Variants in ZNF334 observed in about 807,000 individuals in gnomAD.
The protein encoded by ZNF334 is zinc finger protein 334.
Under a neutral mutation model 12.4 loss-of-function variants are expected in ZNF334, and 14 were observed. The observed-to-expected ratio is 1.13, with a 90% CI of 0.74 to 1.76. The LOEUF (loss-of-function observed/expected upper bound fraction) is 1.76. Ranked by LOEUF, ZNF334 falls within the 40% of genes most tolerant of loss-of-function variation. The pLI, the probability that ZNF334 is intolerant of heterozygous loss-of-function variation, is 0.00. For missense variants in ZNF334, 797 were observed against 804.5 expected (o/e 0.99, Z 0.11); for synonymous variants, 273 against 269.6 (o/e 1.01, Z -0.12).
At chr20:46,509,062 A>G (rs752380427) in intron 2 of ZNF334, among the ~76,000 whole-genome samples, 14 of 152,238 alleles carry the variant, frequency 9.2e-5, no homozygotes, top group Non-Finnish European at 2.1e-4. Context: ...ACTTGTAATT[A>G]TCACGTTCAT....
chr20:46,471,690 A>G, the ZNF334 span, among the ~76,000 whole-genome samples: 1 of 152,210 alleles, frequency 6.6e-6, no homozygotes, highest in South Asian at 2.1e-4. Flanking sequence ...AACACCATCT[A>G]TTGAAAAGAT....
chr20:46,507,149 A>C (rs1484890354), intron 2 of ZNF334, among the ~76,000 whole-genome samples: 1 of 152,022 alleles, frequency 6.6e-6, no homozygotes, highest in African/African-American at 2.4e-5. Context: ...TAAGTAAGTA[A>C]AAAGGAAAGA....
At chr20:46,462,641 T>C in the ZNF334 span, among the ~76,000 whole-genome samples, 66 of 152,374 alleles carry the variant, frequency 4.3e-4, no homozygotes, top group East Asian at 0.011. Context: ...ATATGTAGGA[T>C]AACCAGATAG....
the ZNF334 span, among the ~76,000 whole-genome samples, chr20:46,479,788 A>G: frequency 6.6e-6 from 1 of 152,132 alleles, no homozygotes; most frequent in Non-Finnish European, 1.5e-5. Flanking sequence ...ATCTATTCCC[A>G]CTGAAGCCTG....
the ZNF334 span, among the ~76,000 whole-genome samples, chr20:46,479,216 T>C: frequency 6.6e-5 from 10 of 152,164 alleles, no homozygotes; most frequent in African/African-American, 2.4e-4. Context: ...TTCTGGAGGC[T>C]CCTACCTGTC....
At chr20:46,506,273 A>C (rs2145975432) in intron 2 of ZNF334, 4 of 534,132 alleles carry the variant, frequency 7.5e-6, no homozygotes, top group Non-Finnish European at 3.3e-6. Flanking sequence ...AAGTGAAAAA[A>C]GCAAAGTATT....
chr20:46,470,123 C>T, the ZNF334 span, among the ~76,000 whole-genome samples: 1 of 152,198 alleles, frequency 6.6e-6, no homozygotes, highest in Non-Finnish European at 1.5e-5. Context: ...ATTTTAACTT[C>T]TCTCATTTTA....
Position 46,502,519 on chromosome 20 carries a change from A to G in ZNF334, c.820T>C (p.Phe274Leu). The change falls in exon 5 of 5, where the codon TTT becomes CTT. Residue 274 changes from phenylalanine to leucine, a missense_variant. Phe to Leu is a conservative substitution (Grantham distance 22, BLOSUM62 0). Transcript: ENST00000692313. The part of the protein sequence containing the change: ...PYVCSDCRKT[F>L]RVKTSLTRHR... Reference sequence around the variant, plus strand: ...CGAGTGAGGCTTGTCTTCACACGAAAAGTTTTCCTACAATCACTACAAACA... The same window carrying G: ...CGAGTGAGGCTTGTCTTCACACGAAGAGTTTTCCTACAATCACTACAAACA... 6.2e-7 allele frequency: 1 copy of G among 1,613,348 alleles called. No homozygotes were observed. Among genetic ancestry groups the G allele is most frequent in the Non-Finnish European group, 8.5e-7 (1 of 1,179,568 alleles).
chr20:46,469,669 G>A, the ZNF334 span, among the ~76,000 whole-genome samples: 4 of 152,058 alleles, frequency 2.6e-5, no homozygotes, highest in Non-Finnish European at 5.9e-5. Flanking sequence ...ACTGCGCCTG[G>A]CCCCTAAGCT....
the ZNF334 span, among the ~76,000 whole-genome samples, chr20:46,469,825 C>T: frequency 1.3e-5 from 2 of 152,068 alleles, no homozygotes; most frequent in South Asian, 2.1e-4. Context: ...CTCATTGGCT[C>T]GCCTTCAGGG....
At chr20:46,462,409 T>C in the ZNF334 span, among the ~76,000 whole-genome samples, 1 of 152,230 alleles carries the variant, frequency 6.6e-6, no homozygotes, top group African/African-American at 2.4e-5. Flanking sequence ...GTAGGCCAAT[T>C]ACTCCACTAC....
In ZNF334 at chr20:46,502,615, A is replaced by G. The variant is rs1328420400; in HGVS notation, c.724T>C (p.Cys242Arg). 2 of 1,612,960 alleles carry G rather than the reference A, an allele frequency of 1.2e-6. No individual in the cohort carries two copies. The highest frequency in any genetic ancestry group is 1.1e-5 in the South Asian group (1 of 91,078). Reference protein sequence around the residue: ...TERKPNECNECRKTFSKRSTL... With the variant: ...TERKPNECNERRKTFSKRSTL... Reference sequence around the variant, plus strand: ...GATCTCTTAGAAAAGGTTTTCCTACATTCATTACATTCATTTGGTTTCCTT... The same window carrying G: ...GATCTCTTAGAAAAGGTTTTCCTACGTTCATTACATTCATTTGGTTTCCTT... The change falls in exon 5 of 5, where the codon TGT becomes CGT. Residue 242 changes from cysteine (C) to arginine (R), a missense_variant. Coordinates refer to ENST00000692313, the MANE Select transcript of ZNF334 (RefSeq NM_001353824.2).
chr20:46,481,224 T>C, the ZNF334 span: 1 of 152,218 alleles, frequency 6.6e-6, no homozygotes, highest in Non-Finnish European at 1.5e-5. Flanking sequence ...TTTACAGGGC[T>C]AAAGACATTT....
Position 46,501,237 on chromosome 20 carries a change from T to C in ZNF334, c.*59A>G. ...TACTCCTCTATACATACTCACAGTT[T>C]AGCATTGTGTAAGTTATTTGATTTG... On this transcript the variant is annotated 3_prime_UTR_variant, in exon 5 of 5. Transcript: ENST00000692313. The C allele has an allele frequency of 6.4e-7, 1 of 1,559,268 alleles. No homozygotes were observed. Among genetic ancestry groups the C allele is most frequent in the Non-Finnish European group, 8.7e-7 (1 of 1,154,980 alleles).
At chr20:46,477,471 C>A in the ZNF334 span, among the ~76,000 whole-genome samples, 1 of 152,074 alleles carries the variant, frequency 6.6e-6, no homozygotes, top group East Asian at 1.9e-4. Flanking sequence ...CCCAAGTAGC[C>A]TGGACTATAG....
At chr20:46,512,192 C>A in intron 1 of ZNF334, 52 bp from the exon 2 acceptor site, 1 of 1,399,970 alleles carries the variant, frequency 7.1e-7, no homozygotes. Context: ...GCTCACACAG[C>A]AGCTCTACAA....
Position 46,504,224 on chromosome 20 carries a change from CT to C in ZNF334, c.230del (p.Gln77ArgfsTer10), listed in dbSNP as rs781555956. 2 of 1,610,522 alleles carry C rather than the reference CT, an allele frequency of 1.2e-6. No individual in the cohort carries two copies. The highest frequency in any genetic ancestry group is 2.2e-5 in the South Asian group (2 of 90,422). ...TTATCATTTACTTACCTGGGTAGTT[CT>C]GATTTGAGAATTCCTCCACTATCCA... is the stretch of plus-strand genomic sequence containing the variant. ...EPWIVEEFSN[Q>X]NYPDIDDALE... On this transcript the variant is annotated frameshift_variant, in exon 4 of 5. Coordinates refer to ENST00000692313, the MANE Select transcript of ZNF334 (RefSeq NM_001353824.2). LOFTEE classifies it low-confidence loss of function (END_TRUNC).
At chr20:46,485,368 T>A in the ZNF334 span, among the ~76,000 whole-genome samples, 1 of 151,904 alleles carries the variant, frequency 6.6e-6, no homozygotes, top group African/African-American at 2.4e-5. Flanking sequence ...GCTGAATAGG[T>A]CAAAAAACTT....
chr20:46,507,548 A>T (rs2061481455), intron 2 of ZNF334, among the ~76,000 whole-genome samples: 1 of 152,244 alleles, frequency 6.6e-6, no homozygotes, highest in Non-Finnish European at 1.5e-5. Context: ...AGCGAGGTGA[A>T]GGAAACACAG....
Sources: gnomAD v4.1 joint callset for allele counts (sites outside exome capture counted in the v4.1 genomes callset) on GRCh38, gnomAD v4.1.1 for gene constraint, MANE v1.5 for transcripts, NCBI Gene and HGNC (gene_info 2026-07-23, HGNC 2026-07-21) for gene names.